The following MAP3K10 variants were observed in gnomAD, a reference collection of about 807,000 sequenced individuals.
The protein encoded by MAP3K10 is mitogen-activated protein kinase kinase kinase 10, also known as MKN28 derived nonreceptor_type serine/threonine kinase.
Under a neutral mutation model 75.0 loss-of-function variants are expected in MAP3K10, and 22 were observed. That is an observed-to-expected ratio of 0.29 (90% confidence interval 0.21 to 0.42). MAP3K10 has a LOEUF of 0.42. Ranked by LOEUF, MAP3K10 falls within the 10% of genes least tolerant of loss-of-function variation. The probability of loss-of-function intolerance (pLI) is 1.00; values close to 1 mark genes in which losing one functional copy is unlikely to be tolerated. For missense variants in MAP3K10, 1,165 were observed against 1,379.8 expected (o/e 0.84, Z 2.47); for synonymous variants, 599 against 612.9 (o/e 0.98, Z 0.34).
In MAP3K10 at chr19:40,214,021, C is replaced by T; in HGVS notation, c.2342C>T (p.Pro781Leu). 2 of 1,517,998 alleles carry T rather than the reference C, an allele frequency of 1.3e-6. No homozygotes were observed. The highest frequency in any genetic ancestry group is 1.2e-5 in the South Asian group (1 of 82,440). 94.0% of individuals were successfully genotyped at this position (1,517,998 alleles called of 1,614,324 possible). The change falls in exon 9 of 10, where the codon CCC (proline) becomes CTC (leucine). Residue 781 changes from proline to leucine, a missense_variant. By Grantham distance (98) the Pro-to-Leu change is moderately conservative (BLOSUM62 -3). Around this residue, in one of 2 missense-constraint regions of MAP3K10, gnomAD observed 590 missense variants for 586.6 expected, o/e 1.01. Transcript: ENST00000253055. ...GCGCCCTCCCCACCACCCTCCCCGC[C>T]CGCGCCCACACCCACGCCCTCGCCC... ...PAAPSPPPSP[P>L]APTPTPSPST...
At chr19:40,211,755 G>A (rs569139733) in intron 6 of MAP3K10, among the ~76,000 whole-genome samples, 108 of 151,902 alleles carry the variant, frequency 7.1e-4, no homozygotes, top group Non-Finnish European at 1.0e-3. Context: ...ACAGACGCTC[G>A]CTCTGTCTCC....
rs369128561 is a variant in MAP3K10, at chr19:40,204,227, G to A, written c.864-258G>A. 6.6e-6 allele frequency among the ~76,000 whole-genome samples: 1 copy of A among 152,208 alleles called. No homozygotes were observed. Among genetic ancestry groups the A allele is most frequent in the African/African-American group, 2.4e-5 (1 of 41,448 alleles). On this transcript the variant is annotated intron_variant, in intron 2 of 9. Transcript: ENST00000253055. This position sits in a 1 kb window ranked among gnomAD's most constrained non-coding sequence, Gnocchi z 4.3. ...AAAATAAGAAAGATGGATTTGGCCA[G>A]TAGGAACACGGGACCTGAAGATTTT...
chr19:40,195,745 T>A lies in MAP3K10; in HGVS notation c.683-2630T>A, dbSNP rs571669138. ...CCTGACCTCAGGTGATCCGCCTGCC[T>A]TAGCCTCCCAAAGTGCTAGGATTAC... is the stretch of plus-strand genomic sequence containing the variant. On this transcript the variant is annotated intron_variant, in intron 1 of 9. Transcript: ENST00000253055. 2.0e-5 allele frequency among the ~76,000 whole-genome samples: 3 copies of A among 152,228 alleles called. No homozygotes were observed. The South Asian group carries it at 6.2e-4, about 32-fold the overall frequency.
chr19:40,192,143 C>A lies in MAP3K10; in HGVS notation c.112C>A (p.Arg38=). Residue 38 remains arginine, a synonymous_variant, in exon 1 of 10, where the codon CGG becomes AGG. Transcript: ENST00000253055. This position sits in a 1 kb window ranked among gnomAD's most constrained non-coding sequence, Gnocchi z 7.1. ...GGCGGGCGACGAGGAGCTGACCCTG[C>A]GGAGGGGCGATCGCGTCCAGGTGCT... ...EAAGDEELTL[R]RGDRVQVLSQ... The A allele has an allele frequency of 6.3e-7, 1 of 1,596,006 alleles. No homozygotes were observed.
chr19:40,204,766 G>A lies in MAP3K10; in HGVS notation c.1012+133G>A. ...AGGAAGAAGGGGCTGGAACCCACTG[G>A]ACTCTAAACAGCCTCCCCATGGTTG... On this transcript the variant is annotated intron_variant, in intron 3 of 9. Coordinates refer to ENST00000253055, the MANE Select transcript of MAP3K10 (RefSeq NM_002446.4). The surrounding 1 kb of genome is among the most constrained non-coding windows in gnomAD (Gnocchi z 4.3). 1 of 1,115,490 alleles carries A rather than the reference G, an allele frequency of 9.0e-7. No individual in the cohort carries two copies. Among genetic ancestry groups the A allele is most frequent in the East Asian group, 2.6e-5 (1 of 38,630 alleles). 69.1% of individuals were successfully genotyped at this position (1,115,490 alleles called of 1,614,324 possible).
In MAP3K10 at chr19:40,206,216, A is replaced by AGGATTTATCTCTT. The variant is rs1973119544; in HGVS notation, c.1435+60_1435+72dup. ...AGGCTGCTGGGAGCAGCCCCGACCT[A>AGGATTTATCTCTT]GGATTTATCTCTTCCTTTTCTTTTT... On this transcript the variant is annotated intron_variant, in intron 5 of 9. Transcript: ENST00000253055. 2.4e-5 allele frequency: 36 copies of AGGATTTATCTCTT among 1,517,410 alleles called. No homozygotes were observed. The East Asian group carries it at 8.0e-4, about 34-fold the overall frequency. The allele number at this position is 1,517,410 out of a possible 1,614,324, so 94.0% of individuals were successfully genotyped here.
chr19:40,211,395 TG>T (rs984376494), intron 6 of MAP3K10, among the ~76,000 whole-genome samples: 3 of 151,662 alleles, frequency 2.0e-5, no homozygotes, highest in Non-Finnish European at 4.4e-5. Context: ...TTTTTAGTTC[TG>T]GGGTACGTGT....
intron 5 of MAP3K10, among the ~76,000 whole-genome samples, chr19:40,208,363 T>TTTTTTTTTTTTTA (rs1555756664): frequency 3.4e-4 from 38 of 111,876 alleles, no homozygotes; most frequent in Middle Eastern, 4.6e-3. Flanking sequence ...TTTTTTTTTT[T>TTTTTTTTTTTTTA]TTTTTTGTAT....
chr19:40,198,044 G>T lies in MAP3K10; in HGVS notation c.683-331G>T, dbSNP rs975477425. ...GATGAGGTCTTGCCATGTTGCACAG[G>T]CTGGTCTCGAACTCCTGGGCTCAAG... On this transcript the variant is annotated intron_variant, in intron 1 of 9. Coordinates refer to ENST00000253055, the MANE Select transcript of MAP3K10 (RefSeq NM_002446.4). The surrounding 1 kb of genome is among the most constrained non-coding windows in gnomAD (Gnocchi z 4.3). Among the ~76,000 whole-genome samples, 2 of 152,184 alleles carry T rather than the reference G, an allele frequency of 1.3e-5. No individual in the cohort carries two copies. Among genetic ancestry groups the T allele is most frequent in the African/African-American group, 4.8e-5 (2 of 41,440 alleles).
In MAP3K10 at chr19:40,192,731, C is replaced by T; in HGVS notation, c.682+18C>T. 1 of 1,515,314 alleles carries T rather than the reference C, an allele frequency of 6.6e-7. No individual in the cohort carries two copies. The allele number at this position is 1,515,314 out of a possible 1,614,324, so 93.9% of individuals were successfully genotyped here. On this transcript the variant is annotated intron_variant, in intron 1 of 9. Transcript: ENST00000253055. The surrounding 1 kb of genome is among the most constrained non-coding windows in gnomAD (Gnocchi z 7.1). ...CATCAACAGTAAGTGGTGTCCTCTC[C>T]CCAAAATTCCTTCCACAGAACCTCT... is the stretch of plus-strand genomic sequence containing the variant.
At chr19:40,214,375 G>C (rs532210313) in intron 9 of MAP3K10, among the ~76,000 whole-genome samples, 154 bp downstream of exon 9, 5 of 152,138 alleles carry the variant, frequency 3.3e-5, no homozygotes, top group Non-Finnish European at 7.4e-5. Context: ...CTCACTCCTG[G>C]AGGCATCGGG....
chr19:40,195,471 CTTTTT>C (rs61289931), intron 1 of MAP3K10, among the ~76,000 whole-genome samples: 4 of 48,660 alleles, frequency 8.2e-5, no homozygotes, highest in African/African-American at 5.8e-5. Flanking sequence ...CCCGCCCGGC[CTTTTT>C]TTTTTTTTTT....
intron 9 of MAP3K10, 21 bp from the exon 10 acceptor site, chr19:40,214,949 C>A: frequency 3.1e-6 from 4 of 1,295,330 alleles, no homozygotes; most frequent in Non-Finnish European, 4.4e-6. Flanking sequence ...CCACTCACCT[C>A]CTCTGAACCT....
chr19:40,193,690 C>A (rs997573670), intron 1 of MAP3K10, among the ~76,000 whole-genome samples: 1 of 152,176 alleles, frequency 6.6e-6, no homozygotes, highest in Admixed American at 6.6e-5. Flanking sequence ...AAAAATCTTA[C>A]ATTCCTGGCT....
At position 40,198,659 on chromosome 19, in the gene MAP3K10, T is replaced by A; in HGVS notation, c.863+104T>A. The A allele has an allele frequency of 8.1e-7, 1 of 1,235,130 alleles. No homozygotes were observed. Among genetic ancestry groups the A allele is most frequent in the Non-Finnish European group, 1.1e-6 (1 of 898,416 alleles). 76.5% of individuals were successfully genotyped at this position (1,235,130 alleles called of 1,614,324 possible). A position where few individuals can be genotyped will look rare whatever the true frequency, so the allele number is the denominator to read the frequency against. On this transcript the variant is annotated intron_variant, in intron 2 of 9. Coordinates refer to ENST00000253055, the MANE Select transcript of MAP3K10 (RefSeq NM_002446.4). This position sits in a 1 kb window ranked among gnomAD's most constrained non-coding sequence, Gnocchi z 4.3. Reference sequence around the variant, plus strand: ...TCTCCTGCTGAAGCCAGGATCTCAGTCTGACAAAGGGACCTGCTGGCAAGG... The same window carrying A: ...TCTCCTGCTGAAGCCAGGATCTCAGACTGACAAAGGGACCTGCTGGCAAGG...
chr19:40,192,193 C>T lies in MAP3K10; in HGVS notation c.162C>T (p.Gly54=). ...QVLSQDCAVS[G]DEGWWTGQLP... Reference sequence around the variant, plus strand: ...TTTCCCAAGACTGTGCGGTGTCCGGCGACGAGGGCTGGTGGACCGGGCAGC... The same window carrying T: ...TTTCCCAAGACTGTGCGGTGTCCGGTGACGAGGGCTGGTGGACCGGGCAGC... Residue 54 remains glycine (G), a synonymous_variant, in exon 1 of 10, where the codon GGC becomes GGT. Transcript: ENST00000253055. The surrounding 1 kb of genome is among the most constrained non-coding windows in gnomAD (Gnocchi z 7.1). The T allele has an allele frequency of 6.2e-7, 1 of 1,608,728 alleles. No individual in the cohort carries two copies. The highest frequency in any genetic ancestry group is 2.2e-5 in the East Asian group (1 of 44,758).
At chr19:40,200,191 C>T (rs1459120870) in intron 2 of MAP3K10, among the ~76,000 whole-genome samples, 1 of 152,180 alleles carries the variant, frequency 6.6e-6, no homozygotes. Flanking sequence ...CCTAGCTACT[C>T]AGGAGGCTGA....
intron 2 of MAP3K10, among the ~76,000 whole-genome samples, chr19:40,199,815 A>G (rs902807291): frequency 6.6e-6 from 1 of 152,172 alleles, no homozygotes; most frequent in African/African-American, 2.4e-5. Context: ...GACCCCATGT[A>G]TATGAAAAAG....
chr19:40,205,597 T>C lies in MAP3K10; in HGVS notation c.1188+301T>C. 1 of 533,122 alleles carries C rather than the reference T, an allele frequency of 1.9e-6. No homozygotes were observed. Among genetic ancestry groups the C allele is most frequent in the Non-Finnish European group, 3.3e-6 (1 of 300,860 alleles). The allele number at this position is 533,122 out of a possible 1,614,324, so 33.0% of individuals were successfully genotyped here. ...ACGGGGATACAAGATTCGCAAAGCA[T>C]AGGTAATTGTTGAAATTGGATGATG... On this transcript the variant is annotated intron_variant, in intron 4 of 9. Transcript: ENST00000253055. The surrounding 1 kb of genome is among the most constrained non-coding windows in gnomAD (Gnocchi z 4.3).
Sources: allele counts gnomAD v4.1 joint callset (sites outside exome capture counted in the v4.1 genomes callset), GRCh38; gene constraint gnomAD v4.1.1; regional missense constraint gnomAD v4.1.1; non-coding constraint Gnocchi (gnomAD v3.1); transcripts MANE v1.5; gene names NCBI Gene and HGNC (gene_info 2026-07-23, HGNC 2026-07-21).